Variants in RPS6KA4 observed in about 807,000 individuals in gnomAD.
RPS6KA4 encodes ribosomal protein S6 kinase A4.
In RPS6KA4, 38 loss-of-function variants were observed where a neutral mutation model predicts 89.6. The ratio of observed to expected loss-of-function variants is 0.42; its 90% CI spans 0.33 to 0.56. The LOEUF is 0.56. Ranked by LOEUF, RPS6KA4 falls within the 20% of genes least tolerant of loss-of-function variation. The probability of loss-of-function intolerance (pLI) is 0.07; values close to 1 mark genes in which losing one functional copy is unlikely to be tolerated. For synonymous variants in RPS6KA4, 495 were observed against 492.8 expected (o/e 1.00, Z -0.06); for missense variants, 873 against 1,098.8 (o/e 0.79, Z 2.90).
At position 64,370,379 on chromosome 11, in the gene RPS6KA4, T is replaced by C; in HGVS notation, c.1952T>C (p.Val651Ala). The change falls in exon 15 of 17, where the codon GTC becomes GCC. Residue 651 changes from valine to alanine, a missense_variant. Val to Ala is a moderately conservative substitution (Grantham distance 64, BLOSUM62 0). Around this residue, in one of 4 missense-constraint regions of RPS6KA4, gnomAD observed 278 missense variants for 284.8 expected, o/e 0.98. Coordinates refer to ENST00000334205, the MANE Select transcript of RPS6KA4 (RefSeq NM_003942.3). The surrounding 1 kb of genome is among the most constrained non-coding windows in gnomAD (Gnocchi z 4.1). ...QGVSEEAKEL[V>A]RGLLTVDPAK... The stretch of plus-strand genomic sequence containing the variant: ...GTATCCGAGGAAGCCAAGGAGCTGG[T>C]CCGAGGTGCGGAGCTGGAGGTCATA... 1 of 1,610,352 alleles carries C rather than the reference T, an allele frequency of 6.2e-7. No individual in the cohort carries two copies.
chr11:64,370,464 T>C lies in RPS6KA4; in HGVS notation c.1957+80T>C, dbSNP rs2037031191. ...ATGGTCACTGGGCCAGGTGTCCTGG[T>C]TGGGGATGGGTAGGGGAGGAGAGTG... On this transcript the variant is annotated intron_variant, in intron 15 of 16. Transcript: ENST00000334205. The surrounding 1 kb of genome is among the most constrained non-coding windows in gnomAD (Gnocchi z 4.1). The C allele has an allele frequency of 6.2e-7, 1 of 1,604,964 alleles. No homozygotes were observed. The highest frequency in any genetic ancestry group is 8.5e-7 in the Non-Finnish European group (1 of 1,176,122).
At chr11:64,365,643 C>G (rs886696124) in intron 9 of RPS6KA4, among the ~76,000 whole-genome samples, 178 bp downstream of exon 9, 3 of 152,244 alleles carry the variant, frequency 2.0e-5, no homozygotes, top group African/African-American at 4.8e-5. Flanking sequence ...ACCACCCAGG[C>G]AGGATGTGTG....
At position 64,361,522 on chromosome 11, in the gene RPS6KA4, C is replaced by A; in HGVS notation, c.624C>A (p.Ile208=). ...CGTIEYMAPE[I]IRSKTGHGKA... is the part of the protein sequence containing the mutation. Reference sequence around the variant, plus strand: ...CCATCGAGTACATGGCCCCCGAAATCATCCGTAGCAAGACGGGGCATGGCA... The same window carrying A: ...CCATCGAGTACATGGCCCCCGAAATAATCCGTAGCAAGACGGGGCATGGCA... The change falls in exon 6 of 17, where the codon ATC becomes ATA. Residue 208 remains isoleucine, a synonymous_variant. Transcript: ENST00000334205. The surrounding 1 kb of genome is among the most constrained non-coding windows in gnomAD (Gnocchi z 4.7). 1 of 1,614,098 alleles carries A rather than the reference C, an allele frequency of 6.2e-7. No individual in the cohort carries two copies. Among genetic ancestry groups the A allele is most frequent in the East Asian group, 2.2e-5 (1 of 44,874 alleles).
chr11:64,365,505 A>C, intron 9 of RPS6KA4, 40 bp downstream of exon 9: 1 of 1,609,174 alleles, frequency 6.2e-7, no homozygotes, highest in Non-Finnish European at 8.5e-7. Context: ...AGGAGAGATG[A>C]GATGTTGCTG....
At chr11:64,368,841 GC>G in intron 12 of RPS6KA4, 44 bp downstream of exon 12, 1 of 1,519,456 alleles carries the variant, frequency 6.6e-7, no homozygotes, top group Non-Finnish European at 8.9e-7. Flanking sequence ...AAAGGGGCAG[GC>G]GGCGGGGCTT....
At chr11:64,364,906 A>ATTTTTTTTTTTTTTTTTT (rs35498968) in intron 8 of RPS6KA4, among the ~76,000 whole-genome samples, 1 of 132,492 alleles carries the variant, frequency 7.5e-6, no homozygotes. Context: ...CGCCCAGCTA[A>ATTTTTTTTTTTTTTTTTT]TTTTTTTTTT....
rs1447050686 is a variant in RPS6KA4 at position 64,365,361 on chromosome 11, C to T, written c.967C>T (p.Arg323Cys). 29 of 1,613,974 alleles carry T rather than the reference C, an allele frequency of 1.8e-5. No individual in the cohort carries two copies. The highest frequency in any genetic ancestry group is 3.3e-4 in the Middle Eastern group (2 of 6,084). The change falls in exon 9 of 17, where the codon CGC becomes TGC. Residue 323 changes from arginine to cysteine, a missense_variant. By Grantham distance (180) the Arg-to-Cys change is radical (BLOSUM62 -3). This residue lies in a region of RPS6KA4 where 542 missense variants were observed against 736.4 expected (regional missense o/e 0.74). Transcript: ENST00000334205. ...KIPAPFRPQI[R>C]SELDVGNFAE... ...TCCAGCCCCATTCCGGCCCCAAATC[C>T]GCTCAGAGCTGGATGTGGGCAACTT...
chr11:64,363,340 T>C (rs781030676), intron 8 of RPS6KA4, among the ~76,000 whole-genome samples: 38 of 152,042 alleles, frequency 2.5e-4, no homozygotes, highest in Non-Finnish European at 4.6e-4. Context: ...ATCTGAGCAG[T>C]GTTGGTTTCT....
chr11:64,368,431 G>GCGC (rs1565072840), intron 10 of RPS6KA4, 37 bp from the exon 11 acceptor site: 2 of 1,543,380 alleles, frequency 1.3e-6, no homozygotes, highest in East Asian at 4.9e-5. Context: ...GACCTCTGAC[G>GCGC]CGCCGCCTTC....
chr11:64,367,413 C>T (rs527860373), intron 9 of RPS6KA4, among the ~76,000 whole-genome samples: 3 of 152,308 alleles, frequency 2.0e-5, no homozygotes, highest in South Asian at 2.1e-4. Flanking sequence ...CGGGTTCAAG[C>T]GATTCTCGTG....
In RPS6KA4 at chr11:64,368,265, G is replaced by C. The variant is rs1370895743; in HGVS notation, c.1200+5G>C. On this transcript the variant is annotated splice_donor_5th_base_variant and intron_variant, in intron 10 of 16. Coordinates refer to ENST00000334205, the MANE Select transcript of RPS6KA4 (RefSeq NM_003942.3). ...GCCAGGAGCGCTATGATGCAGGTGG[G>C]CTGGGCTGGGCTGGGTTGGGGGGAA... The C allele has an allele frequency of 8.1e-6, 13 of 1,612,366 alleles. No individual in the cohort carries two copies. Among genetic ancestry groups the C allele is most frequent in the Non-Finnish European group, 1.1e-5 (13 of 1,179,772 alleles).
intron 9 of RPS6KA4, among the ~76,000 whole-genome samples, chr11:64,367,779 AG>A (rs2036923945): frequency 6.6e-6 from 1 of 152,128 alleles, no homozygotes; most frequent in Non-Finnish European, 1.5e-5. Context: ...TTTTTTCCTC[AG>A]CGGATAGAGT....
chr11:64,368,849 G>T, intron 12 of RPS6KA4, 52 bp downstream of exon 12: 1 of 1,486,234 alleles, frequency 6.7e-7, no homozygotes, highest in South Asian at 1.2e-5. Flanking sequence ...AGGCGGCGGG[G>T]CTTGGGGGCA....
At chr11:64,359,538 G>A in intron 2 of RPS6KA4, 89 bp downstream of exon 2, 2 of 1,396,236 alleles carry the variant, frequency 1.4e-6, no homozygotes, top group Non-Finnish European at 2.0e-6. Context: ...CCAGGCCACT[G>A]AGCAGGCCCC....
chr11:64,359,760 T>C, intron 2 of RPS6KA4: 1 of 533,170 alleles, frequency 1.9e-6, no homozygotes, highest in Non-Finnish European at 3.3e-6. Context: ...CAATATGGGA[T>C]CCCCCTCCCA....
Position 64,371,581 on chromosome 11 carries a change from C to T in RPS6KA4, c.*101C>T. 1 of 593,632 alleles carries T rather than the reference C, an allele frequency of 1.7e-6. No homozygotes were observed. The allele number at this position is 593,632 out of a possible 1,614,324, so 36.8% of individuals were successfully genotyped here. A position where few individuals can be genotyped will look rare whatever the true frequency, so the allele number is the denominator to read the frequency against. ...TGCGGCTGACCTGATCCCCAAGGGA[C>T]TGTCCTTTCCTCTCCTACCCCACCC... is the stretch of plus-strand genomic sequence containing the variant. On this transcript the variant is annotated 3_prime_UTR_variant, in exon 17 of 17. Coordinates refer to ENST00000334205, the MANE Select transcript of RPS6KA4 (RefSeq NM_003942.3).
At position 64,368,809 on chromosome 11, in the gene RPS6KA4, C is replaced by A; in HGVS notation, c.1428+12C>A. ...TGCATCACGACCAGGTGATGGCTTC[C>A]GGCCAGGGGAGGGCGGAGAGAAAAG... On this transcript the variant is annotated intron_variant, in intron 12 of 16. Coordinates refer to ENST00000334205, the MANE Select transcript of RPS6KA4 (RefSeq NM_003942.3). 1 of 1,539,162 alleles carries A rather than the reference C, an allele frequency of 6.5e-7. No individual in the cohort carries two copies. The highest frequency in any genetic ancestry group is 8.8e-7 in the Non-Finnish European group (1 of 1,139,992).
Position 64,370,591 on chromosome 11 carries a change from G to C in RPS6KA4, c.1986G>C (p.Arg662=), listed in dbSNP as rs778322259. The change falls in exon 16 of 17, where the codon CGG becomes CGC. Residue 662 remains arginine (R), a synonymous_variant. Coordinates refer to ENST00000334205, the MANE Select transcript of RPS6KA4 (RefSeq NM_003942.3). The surrounding 1 kb of genome is among the most constrained non-coding windows in gnomAD (Gnocchi z 4.1). ...RGLLTVDPAK[R]LKLEGLRGSS... ...TCCTGACCGTGGACCCCGCCAAGCG[G>C]CTGAAGCTCGAGGGACTGCGGGGCA... 1 of 1,590,226 alleles carries C rather than the reference G, an allele frequency of 6.3e-7. No homozygotes were observed. The highest frequency in any genetic ancestry group is 1.1e-5 in the South Asian group (1 of 89,446).
In RPS6KA4 at chr11:64,368,191, T is replaced by C; in HGVS notation, c.1131T>C (p.Asp377=). ...ACCACAACAACGCGGTGATGACCGA[T>C]GGGCTGGAAGCGCCTGGTGCTGGAG... The part of the protein sequence containing the change: ...LFDHNNAVMT[D]GLEAPGAGDR... Residue 377 remains aspartate, a synonymous_variant, in exon 10 of 17, where the codon GAT becomes GAC. Coordinates refer to ENST00000334205, the MANE Select transcript of RPS6KA4 (RefSeq NM_003942.3). 1 of 1,613,650 alleles carries C rather than the reference T, an allele frequency of 6.2e-7. No homozygotes were observed. Among genetic ancestry groups the C allele is most frequent in the Non-Finnish European group, 8.5e-7 (1 of 1,179,992 alleles).
Sources: gnomAD v4.1 joint callset for allele counts (sites outside exome capture counted in the v4.1 genomes callset) on GRCh38, gnomAD v4.1.1 for gene constraint, gnomAD v4.1.1 regional missense constraint, Gnocchi (gnomAD v3.1) non-coding constraint, MANE v1.5 for transcripts, NCBI Gene and HGNC (gene_info 2026-07-23, HGNC 2026-07-21) for gene names.